Variants in SH3RF1 observed in about 807,000 individuals in gnomAD.
SH3RF1 encodes E3 ubiquitin-protein ligase SH3RF1.
In SH3RF1, 32 loss-of-function variants were observed where a neutral mutation model predicts 74.0. The observed-to-expected ratio is 0.43, with a 90% confidence interval of 0.33 to 0.58. The LOEUF (loss-of-function observed/expected upper bound fraction) is 0.58. Ranked by LOEUF, SH3RF1 falls within the 20% of genes least tolerant of loss-of-function variation. The pLI is 0.05. For synonymous variants in SH3RF1, 396 were observed against 439.6 expected, an observed-to-expected ratio of 0.90 and a Z score of 1.24; for missense variants, 954 against 1,130.9, an observed-to-expected ratio of 0.84 and a Z score of 2.24.
chr4:169,111,431 A>ATT (rs113377416), intron 10 of SH3RF1, among the ~76,000 whole-genome samples: 1 of 142,938 alleles, frequency 7.0e-6, no homozygotes, highest in Non-Finnish European at 1.5e-5. Context: ...ATTAAAAATA[A>ATT]TTTTTTTTTT....
intron 2 of SH3RF1, among the ~76,000 whole-genome samples, chr4:169,207,416 G>C (rs1235701555): frequency 6.6e-6 from 1 of 152,178 alleles, no homozygotes; most frequent in Non-Finnish European, 1.5e-5. Context: ...GACTGAGTGA[G>C]ACCCTGTCTC....
chr4:169,130,041 C>G lies in SH3RF1; in HGVS notation c.1179+5G>C. On this transcript the variant is annotated splice_donor_5th_base_variant and intron_variant, in intron 6 of 11. Coordinates refer to ENST00000284637, the MANE Select transcript of SH3RF1 (RefSeq NM_020870.4). ...AGAAATAAAAATGGGAGAAACTATACTCACTCCAAGGGCAGCTTGGTAGGG... is the reference window on the plus strand; with the variant it reads ...AGAAATAAAAATGGGAGAAACTATAGTCACTCCAAGGGCAGCTTGGTAGGG... 6.2e-7 allele frequency: 1 copy of G among 1,609,726 alleles called. No homozygotes were observed. Among genetic ancestry groups the G allele is most frequent in the South Asian group, 1.1e-5 (1 of 90,764 alleles).
chr4:169,130,422 T>A (rs995444453), intron 5 of SH3RF1, among the ~76,000 whole-genome samples: 2 of 152,162 alleles, frequency 1.3e-5, no homozygotes, highest in African/African-American at 4.8e-5. Context: ...GCCATTGGCT[T>A]TCACGGTAAC....
At chr4:169,183,126 C>T (rs769255113) in intron 2 of SH3RF1, among the ~76,000 whole-genome samples, 2 of 152,058 alleles carry the variant, frequency 1.3e-5, no homozygotes, top group Admixed American at 6.5e-5. Flanking sequence ...GCCAACATGG[C>T]GAAACTCCAT....
rs1307388299 is a variant in SH3RF1 at position 169,132,030 on chromosome 4, G to A, written c.1069-1874C>T. On this transcript the variant is annotated intron_variant, in intron 5 of 11. Transcript: ENST00000284637. ...ATCCAGGGCCCTTGAGCCGCTGCTC[G>A]GGCTGCTCCCACACTGGCGTGTACT... Among the ~76,000 whole-genome samples the A allele has an allele frequency of 2.6e-5, 4 of 152,310 alleles. No individual in the cohort carries two copies. The East Asian group carries it at 5.8e-4, about 22-fold the overall frequency.
chr4:169,241,081 T>G (rs912232412), intron 2 of SH3RF1, among the ~76,000 whole-genome samples: 12 of 152,028 alleles, frequency 7.9e-5, no homozygotes, highest in Non-Finnish European at 1.3e-4. Context: ...ATACAAAAAA[T>G]TAGCCAAGCG....
At chr4:169,254,906 T>C (rs1005491489) in intron 2 of SH3RF1, among the ~76,000 whole-genome samples, 8 of 151,996 alleles carry the variant, frequency 5.3e-5, no homozygotes, top group Admixed American at 2.6e-4. Context: ...AGTTATTCAG[T>C]CCAGATAAAA....
chr4:169,182,342 C>T (rs1173241273), intron 2 of SH3RF1, among the ~76,000 whole-genome samples: 2 of 152,194 alleles, frequency 1.3e-5, no homozygotes, highest in Admixed American at 1.3e-4. Context: ...AATCACTGAG[C>T]AGTTGCTTGT....
intron 11 of SH3RF1, among the ~76,000 whole-genome samples, chr4:169,105,157 A>G (rs1019814656): frequency 6.6e-6 from 1 of 152,202 alleles, no homozygotes; most frequent in African/African-American, 2.4e-5. Flanking sequence ...AGAAAATGCT[A>G]CCAAAAAAGC....
In SH3RF1 at chr4:169,136,612, C is replaced by T. The variant is rs778656524; in HGVS notation, c.774G>A (p.Ser258=). 9.3e-6 allele frequency: 14 copies of T among 1,501,336 alleles called. No homozygotes were observed. The highest frequency in any genetic ancestry group is 4.2e-5 in the African/African-American group (3 of 70,960). 93.0% of individuals were successfully genotyped at this position (1,501,336 alleles called of 1,614,324 possible). Residue 258 remains serine, a synonymous_variant, in exon 5 of 12, where the codon TCG becomes TCA. Transcript: ENST00000284637. ...IFPISYVEFN[S]AAKQLIEWDK... ...CCCATTCTATCAGCTGCTTAGCAGCCGAGTTAAACTGCAAAAGCAACCAAC... is the reference window on the plus strand; with the variant it reads ...CCCATTCTATCAGCTGCTTAGCAGCTGAGTTAAACTGCAAAAGCAACCAAC...
intron 2 of SH3RF1, among the ~76,000 whole-genome samples, chr4:169,218,042 T>C (rs1162855242): frequency 6.6e-6 from 1 of 151,434 alleles, no homozygotes; most frequent in Non-Finnish European, 1.5e-5. Context: ...ATTATCCCTA[T>C]GGGGAATAAG....
At chr4:169,195,678 G>A (rs1378464000) in intron 2 of SH3RF1, among the ~76,000 whole-genome samples, 3 of 151,780 alleles carry the variant, frequency 2.0e-5, no homozygotes, top group Non-Finnish European at 4.4e-5. Flanking sequence ...TTTTCAGTGT[G>A]TTAATCTTTT....
At chr4:169,117,482 G>A (rs1380273929) in intron 9 of SH3RF1, 41 bp downstream of exon 9, 2 of 1,598,716 alleles carry the variant, frequency 1.3e-6, no homozygotes, top group Admixed American at 3.4e-5. Flanking sequence ...AGGCAGGTAA[G>A]CCCTTTATCC....
intron 2 of SH3RF1, among the ~76,000 whole-genome samples, chr4:169,241,922 C>T (rs1730918090): frequency 6.6e-6 from 1 of 152,034 alleles, no homozygotes; most frequent in African/African-American, 2.4e-5. Flanking sequence ...CAGCAGAAAG[C>T]ACAGCATTAA....
At chr4:169,219,960 C>A (rs915169860) in intron 2 of SH3RF1, 1 of 151,554 alleles carries the variant, frequency 6.6e-6, no homozygotes, top group Non-Finnish European at 1.5e-5. Flanking sequence ...AACTTCCAGG[C>A]GATCAGTACA....
chr4:169,148,127 C>T (rs2126960743), intron 4 of SH3RF1, among the ~76,000 whole-genome samples: 2 of 152,158 alleles, frequency 1.3e-5, no homozygotes, highest in South Asian at 4.1e-4. Context: ...TGTTATGAAA[C>T]ATTAAAATGC....
intron 2 of SH3RF1, among the ~76,000 whole-genome samples, chr4:169,176,652 T>C (rs1289424079): frequency 1.3e-5 from 2 of 152,086 alleles, no homozygotes; most frequent in Non-Finnish European, 2.9e-5. Context: ...GCGATTCTCC[T>C]GCCTCAGCCT....
intron 6 of SH3RF1, among the ~76,000 whole-genome samples, chr4:169,124,492 T>C (rs1733493563): frequency 6.6e-6 from 1 of 152,230 alleles, no homozygotes; most frequent in South Asian, 2.1e-4. Context: ...AAAGAGGATA[T>C]TCTGAAAGAT....
intron 6 of SH3RF1, among the ~76,000 whole-genome samples, chr4:169,123,506 G>A (rs779073048): frequency 3.3e-5 from 5 of 152,356 alleles, no homozygotes; most frequent in South Asian, 2.1e-4. Flanking sequence ...CTTACAAAGT[G>A]CAAACCAGGA....
Sources: gnomAD v4.1 joint callset for allele counts (sites outside exome capture counted in the v4.1 genomes callset) on GRCh38, gnomAD v4.1.1 for gene constraint, MANE v1.5 for transcripts, NCBI Gene and HGNC (gene_info 2026-07-23, HGNC 2026-07-21) for gene names.